The following ADK variants were observed in gnomAD, a reference collection of about 807,000 sequenced individuals.
ADK encodes the protein N6,N6-dimethyladenosine kinase.
ADK carries 24 observed loss-of-function variants against 44.7 expected under a neutral mutation model. The ratio of observed to expected loss-of-function variants is 0.54; its 90% CI spans 0.39 to 0.76. The LOEUF (loss-of-function observed/expected upper bound fraction) is 0.76, where lower values mean the gene tolerates loss of function less well. Among genes scored for constraint, ADK ranks in the 30% least tolerant of loss-of-function variants. The probability of loss-of-function intolerance (pLI) is 0.00; values close to 1 mark genes in which losing one functional copy is unlikely to be tolerated. For synonymous variants in ADK, 128 were observed against 142.6 expected (o/e 0.90, Z 0.73); for missense variants, 321 against 425.1 (o/e 0.76, Z 2.15).
chr10:74,361,029 T>G (rs1223168289), intron 4 of ADK, among the ~76,000 whole-genome samples: 1 of 152,166 alleles, frequency 6.6e-6, no homozygotes, highest in Non-Finnish European at 1.5e-5. Context: ...TGCCTCAGCC[T>G]CCCAAGTAGC....
Position 74,215,770 on chromosome 10 carries a change from A to G in ADK, c.141-8768A>G, listed in dbSNP as rs184803134. 5.8e-3 allele frequency among the ~76,000 whole-genome samples: 837 copies of G among 145,400 alleles called. 23 individuals are homozygous for G. Among genetic ancestry groups the G allele is most frequent in the Non-Finnish European group, 3.2e-3 (212 of 67,052 alleles). Reference sequence around the variant, plus strand: ...AAGCTCTGCCTCCTGGGTTCACCCCATTCTCCTGCCTCAGCCTCCCAAGCA... The same window carrying G: ...AAGCTCTGCCTCCTGGGTTCACCCCGTTCTCCTGCCTCAGCCTCCCAAGCA... On this transcript the variant is annotated intron_variant, in intron 2 of 10. Transcript: ENST00000539909.
At chr10:74,594,976 G>A (rs1275469593) in intron 8 of ADK, among the ~76,000 whole-genome samples, 3 of 152,020 alleles carry the variant, frequency 2.0e-5, no homozygotes, top group African/African-American at 4.8e-5. Flanking sequence ...AGGAGTTCGA[G>A]ACCAGCCTGG....
At chr10:74,525,125 G>A (rs1456208839) in intron 6 of ADK, 131 bp from the exon 7 acceptor site, 1 of 832,936 alleles carries the variant, frequency 1.2e-6, no homozygotes. Context: ...GTCAAATGTT[G>A]CTATTTTCTG....
At chr10:74,527,487 CTTAA>C (rs1050026471) in intron 7 of ADK, 1 of 565,738 alleles carries the variant, frequency 1.8e-6, no homozygotes, top group Admixed American at 3.0e-5. Context: ...CACAAATGAT[CTTAA>C]TTAAGGAGAG....
At chr10:74,598,892 C>T (rs1194584208) in intron 8 of ADK, among the ~76,000 whole-genome samples, 1 of 152,088 alleles carries the variant, frequency 6.6e-6, no homozygotes, top group Admixed American at 6.6e-5. Context: ...ATGAGCTGTA[C>T]TTAATCACAA....
chr10:74,457,859 G>T (rs1444445355), intron 6 of ADK, among the ~76,000 whole-genome samples: 6 of 152,116 alleles, frequency 3.9e-5, no homozygotes, highest in Admixed American at 2.0e-4. Context: ...ACATACTGGG[G>T]CCTGTCAGGG....
intron 8 of ADK, among the ~76,000 whole-genome samples, chr10:74,595,703 T>TTC (rs755754048): frequency 1 from 122,009 of 122,058 alleles, 60,980 homozygotes; most frequent in Middle Eastern, 1. Context: ...ATTAAAAAAA[T>TTC]AGGCTATATG....
chr10:74,484,479 A>G lies in ADK; in HGVS notation c.556-40777A>G, dbSNP rs940440590. On this transcript the variant is annotated intron_variant, in intron 6 of 10. Coordinates refer to ENST00000539909, the MANE Select transcript of ADK (RefSeq NM_006721.4). ...TTTTATTACAAAGCTCAGCTTTCCA[A>G]TATACTCTGCTTATAAACTGAAATT... Among the ~76,000 whole-genome samples, 49 of 152,174 alleles carry G rather than the reference A, an allele frequency of 3.2e-4. 2 individuals are homozygous for G.
intron 9 of ADK, among the ~76,000 whole-genome samples, chr10:74,653,481 G>C (rs570489302): frequency 6.6e-6 from 1 of 151,846 alleles, no homozygotes; most frequent in African/African-American, 2.4e-5. Flanking sequence ...AATAACATGC[G>C]TATGATCCTT....
chr10:74,197,696 TAA>T (rs1468748427), intron 1 of ADK, among the ~76,000 whole-genome samples: 6 of 79,262 alleles, frequency 7.6e-5, no homozygotes, highest in Admixed American at 1.5e-4. Flanking sequence ...AGACTCCGTC[TAA>T]AAAAAAAAAA....
intron 3 of ADK, among the ~76,000 whole-genome samples, chr10:74,246,348 CTCAG>C (rs574959504): frequency 9.0e-4 from 137 of 152,282 alleles, no homozygotes; most frequent in South Asian, 3.9e-3. Flanking sequence ...GTTTAAAGAT[CTCAG>C]TCAGCTTTAT....
chr10:74,603,760 T>A (rs1852224177), intron 9 of ADK, among the ~76,000 whole-genome samples: 1 of 152,236 alleles, frequency 6.6e-6, no homozygotes, highest in Non-Finnish European at 1.5e-5. Flanking sequence ...TTTGGGTATA[T>A]ACCCAGTAAT....
chr10:74,240,774 T>C (rs1293802400), intron 3 of ADK, among the ~76,000 whole-genome samples: 1 of 152,204 alleles, frequency 6.6e-6, no homozygotes, highest in Non-Finnish European at 1.5e-5. Context: ...ATAAAGTATA[T>C]TTGAAAATTA....
At chr10:74,695,701 A>G (rs930264541) in intron 10 of ADK, among the ~76,000 whole-genome samples, 21 of 151,392 alleles carry the variant, frequency 1.4e-4, no homozygotes, top group Middle Eastern at 6.9e-3. Flanking sequence ...GTACAGTGGC[A>G]TGTTCACAGC....
At chr10:74,156,214 A>G (rs1841746669) in intron 1 of ADK, among the ~76,000 whole-genome samples, 1 of 152,216 alleles carries the variant, frequency 6.6e-6, no homozygotes, top group Non-Finnish European at 1.5e-5. Context: ...ATTGAAGACT[A>G]TGTTTCTTAT....
In ADK at chr10:74,159,034, A is replaced by T. The variant is rs147313166; in HGVS notation, c.65+7691A>T. 5.0e-4 allele frequency among the ~76,000 whole-genome samples: 76 copies of T among 152,350 alleles called. No homozygotes were observed. In the East Asian group the frequency reaches 8.9e-3, roughly 18 times the overall value. On this transcript the variant is annotated intron_variant, in intron 1 of 10. Coordinates refer to ENST00000539909, the MANE Select transcript of ADK (RefSeq NM_006721.4). ...TGAAGAAGATACATTCTGATGATTT[A>T]TCAAAGCAGATTTAGAGTTTTTGCT... is the stretch of plus-strand genomic sequence containing the variant.
intron 3 of ADK, among the ~76,000 whole-genome samples, chr10:74,262,720 C>T (rs917465223): frequency 2.6e-5 from 4 of 152,050 alleles, no homozygotes; most frequent in Admixed American, 1.3e-4. Flanking sequence ...TGATACTGTA[C>T]TTGCTGTCAT....
intron 4 of ADK, among the ~76,000 whole-genome samples, chr10:74,318,953 G>T (rs1361537089): frequency 6.6e-6 from 1 of 152,132 alleles, no homozygotes; most frequent in African/African-American, 2.4e-5. Context: ...AAGAATGTGG[G>T]CTTGATGCAT....
intron 9 of ADK, among the ~76,000 whole-genome samples, chr10:74,667,640 C>T (rs1402428352): frequency 6.6e-6 from 1 of 150,900 alleles, no homozygotes; most frequent in Non-Finnish European, 1.5e-5. Context: ...TTAAGCAATT[C>T]TCCTGCCTCA....
Sources: gnomAD v4.1 joint callset for allele counts (sites outside exome capture counted in the v4.1 genomes callset) on GRCh38, gnomAD v4.1.1 for gene constraint, MANE v1.5 for transcripts, NCBI Gene and HGNC (gene_info 2026-07-23, HGNC 2026-07-21) for gene names.